Variants in SOX6 observed in about 807,000 individuals in gnomAD.
SOX6 encodes SRY-box transcription factor 6.
In SOX6, 11 loss-of-function variants were observed where a neutral mutation model predicts 97.8. The observed-to-expected ratio is 0.11, with a 90% CI of 0.07 to 0.19. The LOEUF (loss-of-function observed/expected upper bound fraction) is 0.19, where lower values mean the gene tolerates loss of function less well. Ranked by LOEUF, SOX6 falls within the 10% of genes least tolerant of loss-of-function variation. The probability of loss-of-function intolerance (pLI) is 1.00; values close to 1 mark genes in which losing one functional copy is unlikely to be tolerated. For synonymous variants in SOX6, 360 were observed against 371.4 expected, an observed-to-expected ratio of 0.97 and a Z score of 0.35; for missense variants, 810 against 1,039.5, an observed-to-expected ratio of 0.78 and a Z score of 3.04.
intron 1 of SOX6, among the ~76,000 whole-genome samples, chr11:16,411,310 C>T (rs535880314): frequency 1.3e-5 from 2 of 152,022 alleles, no homozygotes; most frequent in Non-Finnish European, 2.9e-5. Context: ...TCTAATGAGG[C>T]CCTTACTCTC....
intron 4 of SOX6, among the ~76,000 whole-genome samples, chr11:16,203,773 G>T (rs1852000862): frequency 6.6e-6 from 1 of 152,106 alleles, no homozygotes; most frequent in Admixed American, 6.5e-5. Flanking sequence ...ATAAGGCAGA[G>T]ATCATCAGCA....
chr11:16,391,425 T>A (rs1858179361), intron 1 of SOX6, among the ~76,000 whole-genome samples: 1 of 152,232 alleles, frequency 6.6e-6, no homozygotes, highest in Non-Finnish European at 1.5e-5. Flanking sequence ...ATTCATTAGT[T>A]TATGTGTCTG....
intron 4 of SOX6, among the ~76,000 whole-genome samples, chr11:16,223,744 C>G (rs781694239): frequency 6.6e-6 from 1 of 152,100 alleles, no homozygotes; most frequent in African/African-American, 2.4e-5. Flanking sequence ...CTGCTAGCCA[C>G]CATTTCCTGG....
chr11:16,193,602 T>A (rs1399384025), intron 4 of SOX6, among the ~76,000 whole-genome samples: 3 of 152,086 alleles, frequency 2.0e-5, no homozygotes, highest in Non-Finnish European at 4.4e-5. Context: ...TTTAGAGTAG[T>A]GGGTAGGGGT....
intron 12 of SOX6, among the ~76,000 whole-genome samples, chr11:16,017,360 T>A (rs576052055): frequency 4.6e-5 from 7 of 152,036 alleles, no homozygotes; most frequent in Non-Finnish European, 7.4e-5. Flanking sequence ...GAAACACTTG[T>A]TAAATAGGAA....
chr11:16,586,117 G>C (rs1184740836), intron 4 of SOX6, among the ~76,000 whole-genome samples: 1 of 152,234 alleles, frequency 6.6e-6, no homozygotes, highest in Middle Eastern at 3.4e-3. Flanking sequence ...AAGAATTTAA[G>C]CATCTATATC....
At chr11:16,506,596 A>G (rs1250141923) in intron 4 of SOX6, among the ~76,000 whole-genome samples, 2 of 152,204 alleles carry the variant, frequency 1.3e-5, no homozygotes, top group Non-Finnish European at 2.9e-5. Context: ...GAGATTTGGC[A>G]GGGGCCAAGG....
intron 4 of SOX6, among the ~76,000 whole-genome samples, chr11:16,214,840 C>G (rs1292309066): frequency 6.6e-6 from 1 of 151,436 alleles, no homozygotes; most frequent in Non-Finnish European, 1.5e-5. Context: ...ACCTCCGCCC[C>G]CTGGGTTCAA....
At chr11:16,469,225 A>G (rs1860098912) in intron 1 of SOX6, among the ~76,000 whole-genome samples, 1 of 152,156 alleles carries the variant, frequency 6.6e-6, no homozygotes, top group Non-Finnish European at 1.5e-5. Context: ...AACTTTTTAG[A>G]GCAGTTTGTT....
chr11:16,507,888 A>C (rs576776641), intron 4 of SOX6, among the ~76,000 whole-genome samples: 5 of 152,330 alleles, frequency 3.3e-5, no homozygotes, highest in Non-Finnish European at 5.9e-5. Flanking sequence ...AAAAGTGACT[A>C]TACTACACCA....
intron 13 of SOX6, among the ~76,000 whole-genome samples, chr11:16,001,595 G>A (rs1854410134): frequency 6.6e-6 from 1 of 152,112 alleles, no homozygotes; most frequent in East Asian, 1.9e-4. Context: ...TTCTTGGCTG[G>A]AACATTATTT....
chr11:16,634,202 CTT>C (rs1848750803), intron 3 of SOX6, among the ~76,000 whole-genome samples: 1 of 151,428 alleles, frequency 6.6e-6, no homozygotes, highest in African/African-American at 2.4e-5. Context: ...AAAAGAGAAA[CTT>C]AGGACTGGAA....
intron 3 of SOX6, among the ~76,000 whole-genome samples, chr11:16,678,028 ATTTCT>A (rs1254428489): frequency 1.3e-5 from 2 of 152,124 alleles, no homozygotes; most frequent in East Asian, 3.8e-4. Context: ...ATATTCATGT[ATTTCT>A]TTTATCTTTT....
chr11:16,702,994 T>C (rs1303178960), intron 3 of SOX6, among the ~76,000 whole-genome samples: 2 of 150,940 alleles, frequency 1.3e-5, no homozygotes, highest in African/African-American at 4.8e-5. Context: ...GGAATACATT[T>C]GCCTTGAACA....
chr11:16,039,807 A>G (rs1301154160), intron 12 of SOX6, among the ~76,000 whole-genome samples: 1 of 152,034 alleles, frequency 6.6e-6, no homozygotes, highest in Non-Finnish European at 1.5e-5. Context: ...TTAATATTTA[A>G]TAAGACAAAT....
intron 12 of SOX6, among the ~76,000 whole-genome samples, chr11:16,038,809 T>C (rs1855582122): frequency 6.6e-6 from 1 of 152,178 alleles, no homozygotes; most frequent in Middle Eastern, 3.4e-3. Context: ...CTAAGGCAAA[T>C]AACTGTAGGT....
intron 4 of SOX6, among the ~76,000 whole-genome samples, chr11:16,493,744 G>A (rs938167882): frequency 3.3e-5 from 5 of 152,048 alleles, no homozygotes; most frequent in Non-Finnish European, 5.9e-5. Context: ...CTAAAACAAC[G>A]AGATGTCAGT....
chr11:15,966,924 T>C lies in SOX6; in HGVS notation c.*5885A>G, dbSNP rs2119714715. The C allele has an allele frequency of 6.6e-6, 1 of 152,280 alleles. No individual in the cohort carries two copies. Among genetic ancestry groups the C allele is most frequent in the African/African-American group, 2.4e-5 (1 of 41,558 alleles). The allele number at this position is 152,280 out of a possible 1,614,324, so 9.4% of individuals were successfully genotyped here. A position where few individuals can be genotyped will look rare whatever the true frequency, so the allele number is the denominator to read the frequency against. On this transcript the variant is annotated 3_prime_UTR_variant, in exon 16 of 16. Transcript: ENST00000683767. ...AAATTTGAAGAGATTTTTTTTATTT[T>C]TCCCATTTCTTTAATCCTTAGCAAA...
intron 4 of SOX6, among the ~76,000 whole-genome samples, chr11:16,549,308 T>C (rs1053490862): frequency 7.9e-5 from 12 of 152,182 alleles, no homozygotes; most frequent in African/African-American, 2.7e-4. Flanking sequence ...TAGCTGGTAT[T>C]ACAGGCATGC....
Sources: gnomAD v4.1 joint callset for allele counts (sites outside exome capture counted in the v4.1 genomes callset) on GRCh38, gnomAD v4.1.1 for gene constraint, MANE v1.5 for transcripts, NCBI Gene and HGNC (gene_info 2026-07-23, HGNC 2026-07-21) for gene names.